The following FCHO2 variants were observed in gnomAD, a reference collection of about 807,000 sequenced individuals.
The protein encoded by FCHO2 is F-BAR domain only protein 2.
FCHO2 carries 43 observed loss-of-function variants against 114.1 expected under a neutral mutation model. The ratio of observed to expected loss-of-function variants is 0.38; its 90% CI spans 0.30 to 0.49. FCHO2 has a LOEUF of 0.49. Ranked by LOEUF, FCHO2 falls within the 20% of genes least tolerant of loss-of-function variation. The pLI, the probability that FCHO2 is intolerant of heterozygous loss-of-function variation, is 0.97. For synonymous variants in FCHO2, 293 were observed against 315.2 expected (o/e 0.93, Z 0.75); for missense variants, 807 against 950.4 (o/e 0.85, Z 1.98).
intron 19 of FCHO2, among the ~76,000 whole-genome samples, chr5:73,072,983 T>C (rs1742731411): frequency 6.6e-6 from 1 of 152,114 alleles, no homozygotes; most frequent in Admixed American, 6.6e-5. Context: ...GAATTTCTGA[T>C]GACCCTCTTG....
chr5:72,987,613 C>T (rs957213532), intron 2 of FCHO2, among the ~76,000 whole-genome samples: 1 of 152,176 alleles, frequency 6.6e-6, no homozygotes, highest in East Asian at 1.9e-4. Context: ...ACTGGGATTA[C>T]AGGCGTGAGC....
At chr5:73,067,431 A>G (rs1039904104) in intron 18 of FCHO2, among the ~76,000 whole-genome samples, 1 of 152,002 alleles carries the variant, frequency 6.6e-6, no homozygotes, top group Non-Finnish European at 1.5e-5. Context: ...AGTTTTTTCA[A>G]CCTATTGTCC....
At chr5:73,021,955 G>A (rs549491843) in intron 8 of FCHO2, among the ~76,000 whole-genome samples, 1 of 152,154 alleles carries the variant, frequency 6.6e-6, no homozygotes, top group African/African-American at 2.4e-5. Flanking sequence ...ACTTTTTGAA[G>A]TATGTACTAT....
intron 6 of FCHO2, among the ~76,000 whole-genome samples, chr5:73,012,864 G>C (rs1250001335): frequency 6.6e-6 from 1 of 151,992 alleles, no homozygotes; most frequent in Admixed American, 6.6e-5. Flanking sequence ...AATTGCATCT[G>C]ATTCATGCCT....
At chr5:73,055,924 A>C (rs1757571592) in intron 15 of FCHO2, 141 bp from the exon 16 acceptor site, 1 of 567,940 alleles carries the variant, frequency 1.8e-6, no homozygotes, top group Non-Finnish European at 3.1e-6. Flanking sequence ...AAACTTGTTA[A>C]AATATTGTTT....
intron 22 of FCHO2, among the ~76,000 whole-genome samples, chr5:73,079,457 A>G (rs928305701): frequency 1.3e-5 from 2 of 152,194 alleles, no homozygotes; most frequent in African/African-American, 4.8e-5. Context: ...TTTCAAGGCA[A>G]TGTGGACGTG....
intron 8 of FCHO2, among the ~76,000 whole-genome samples, chr5:73,032,864 C>T (rs554298810): frequency 2.0e-5 from 3 of 152,178 alleles, no homozygotes; most frequent in South Asian, 4.1e-4. Flanking sequence ...TCTCAACAGA[C>T]GATTATATTT....
intron 2 of FCHO2, among the ~76,000 whole-genome samples, chr5:72,981,354 T>C (rs1753200993): frequency 6.6e-6 from 1 of 152,226 alleles, no homozygotes; most frequent in Non-Finnish European, 1.5e-5. Context: ...TAACCCGACC[T>C]TTCTCTCTGG....
intron 1 of FCHO2, among the ~76,000 whole-genome samples, chr5:72,961,869 G>A (rs1306975710): frequency 6.6e-6 from 1 of 152,110 alleles, no homozygotes; most frequent in African/African-American, 2.4e-5. Context: ...GGGATTACAG[G>A]CATGAGCCAC....
intron 10 of FCHO2, among the ~76,000 whole-genome samples, chr5:73,037,462 G>A (rs1756576395): frequency 6.6e-6 from 1 of 151,906 alleles, no homozygotes; most frequent in South Asian, 2.1e-4. Context: ...TCTAGAAATG[G>A]AAAGTTTTGA....
At chr5:73,004,616 A>G (rs962476660) in intron 5 of FCHO2, among the ~76,000 whole-genome samples, 1 of 151,636 alleles carries the variant, frequency 6.6e-6, no homozygotes, top group African/African-American at 2.4e-5. Flanking sequence ...GTATAACTAC[A>G]TTACTACTAC....
At position 73,054,545 on chromosome 5, in the gene FCHO2, G is replaced by A. The variant is rs1468272326; in HGVS notation, c.1206G>A (p.Leu402=). Residue 402 remains leucine, a synonymous_variant, in exon 15 of 26, where the codon TTG becomes TTA. Transcript: ENST00000430046. ...RHSPVQMNRN[L]SNEELTKSKP... ...TTTAGGTACAGATGAATCGGAATTT[G>A]TCTAGTAAGTTTGACATTTGAATTG... 5.8e-6 allele frequency: 9 copies of A among 1,539,406 alleles called. No homozygotes were observed. The African/African-American group carries it at 1.2e-4, about 21-fold the overall frequency.
chr5:72,993,073 T>C (rs907961627), intron 5 of FCHO2, among the ~76,000 whole-genome samples: 10 of 151,770 alleles, frequency 6.6e-5, no homozygotes, highest in African/African-American at 2.2e-4. Flanking sequence ...GGAATAAGAA[T>C]TTACTCCAGA....
chr5:73,021,163 C>T, intron 8 of FCHO2: 1 of 776,254 alleles, frequency 1.3e-6, no homozygotes. Flanking sequence ...GCCATCTCTC[C>T]TTTGTCCAGG....
chr5:73,037,707 G>A, intron 10 of FCHO2: 1 of 368,198 alleles, frequency 2.7e-6, no homozygotes, highest in Non-Finnish European at 5.2e-6. Context: ...ATTTATACTA[G>A]GTCATCATTT....
intron 16 of FCHO2, among the ~76,000 whole-genome samples, chr5:73,056,814 GA>G (rs1292357064): frequency 6.6e-6 from 1 of 151,956 alleles, no homozygotes; most frequent in Admixed American, 6.6e-5. Context: ...TTCAAAAAAA[GA>G]AGTGTGTCAA....
intron 2 of FCHO2, among the ~76,000 whole-genome samples, chr5:72,988,755 A>T (rs889807097): frequency 6.6e-6 from 1 of 152,234 alleles, no homozygotes; most frequent in African/African-American, 2.4e-5. Context: ...GTTGAAGAAT[A>T]ATAAAACTAA....
At chr5:73,011,160 C>T (rs761910944) in intron 6 of FCHO2, among the ~76,000 whole-genome samples, 17 of 152,102 alleles carry the variant, frequency 1.1e-4, no homozygotes, top group Non-Finnish European at 1.9e-4. Flanking sequence ...GGAAGTTGCT[C>T]TGGTTGAGTT....
chr5:72,983,711 A>G (rs926572223), intron 2 of FCHO2, among the ~76,000 whole-genome samples: 3 of 152,068 alleles, frequency 2.0e-5, no homozygotes, highest in East Asian at 3.9e-4. Flanking sequence ...TAGCTTCATA[A>G]TAAGTCTTGA....
Sources: gnomAD v4.1 joint callset for allele counts (sites outside exome capture counted in the v4.1 genomes callset) on GRCh38, gnomAD v4.1.1 for gene constraint, MANE v1.5 for transcripts, NCBI Gene and HGNC (gene_info 2026-07-23, HGNC 2026-07-21) for gene names.